ELAPOR2: variants seen among roughly 807,000 people sequenced by gnomAD.
ELAPOR2 encodes endosome-lysosome associated apoptosis and autophagy regulator family member 2, also known as endosome/lysosome-associated apoptosis and autophagy regulator family member 2.
A neutral mutation model predicts 120.7 loss-of-function variants in ELAPOR2; 89 were observed. That is an observed-to-expected ratio of 0.74 (90% confidence interval 0.62 to 0.88). The LOEUF is 0.88. Among genes scored for constraint, ELAPOR2 ranks in the 40% least tolerant of loss-of-function variants. ELAPOR2 has a pLI of 0.00. For synonymous variants in ELAPOR2, 444 were observed against 444.9 expected, an observed-to-expected ratio of 1.00 and a Z score of 0.03; for missense variants, 1,134 against 1,251.6, an observed-to-expected ratio of 0.91 and a Z score of 1.42.
At chr7:87,009,323 T>C (rs192155362) in intron 1 of ELAPOR2, among the ~76,000 whole-genome samples, 1 of 152,132 alleles carries the variant, frequency 6.6e-6, no homozygotes, top group Non-Finnish European at 1.5e-5. Context: ...GATTTCAATA[T>C]ACATAATAGA....
At chr7:86,912,814 A>G in intron 14 of ELAPOR2, 127 bp downstream of exon 14, 1 of 1,080,468 alleles carries the variant, frequency 9.3e-7, no homozygotes, top group Non-Finnish European at 1.3e-6. Flanking sequence ...CAGAAATGGT[A>G]AGTAGAAAGT....
chr7:86,885,565 A>C (rs553680749), intron 21 of ELAPOR2, among the ~76,000 whole-genome samples: 1 of 152,240 alleles, frequency 6.6e-6, no homozygotes, highest in Admixed American at 6.5e-5. Flanking sequence ...AGGGGACTAA[A>C]GTTTTCCTGT....
At chr7:86,938,728 TGGG>T (rs1790673725) in intron 7 of ELAPOR2, 77 bp downstream of exon 7, 3 of 1,464,130 alleles carry the variant, frequency 2.0e-6, no homozygotes, top group Non-Finnish European at 2.8e-6. Flanking sequence ...TCATACTTTA[TGGG>T]TGACTTCTGG....
chr7:86,918,367 G>A, intron 12 of ELAPOR2, 75 bp downstream of exon 12: 2 of 555,894 alleles, frequency 3.6e-6, no homozygotes, highest in South Asian at 2.9e-5. Flanking sequence ...ATCCCAACTT[G>A]CCACAAATAA....
At chr7:86,921,902 T>C (rs556779630) in intron 10 of ELAPOR2, among the ~76,000 whole-genome samples, 2 of 152,252 alleles carry the variant, frequency 1.3e-5, no homozygotes, top group Non-Finnish European at 2.9e-5. Flanking sequence ...TTGAGAAATA[T>C]GTGAGCCACA....
intron 1 of ELAPOR2, among the ~76,000 whole-genome samples, chr7:87,045,632 T>G (rs995751879): frequency 6.6e-5 from 10 of 151,176 alleles, no homozygotes; most frequent in African/African-American, 2.2e-4. Flanking sequence ...GAGGGAGGGA[T>G]AGCATTGGGA....
rs1792088533 is a variant in ELAPOR2, at chr7:86,970,968, T to C, written c.190-5944A>G. Among the ~76,000 whole-genome samples the C allele has an allele frequency of 1.3e-5, 2 of 151,418 alleles. 1 individual carries two copies. Among genetic ancestry groups the C allele is most frequent in the Non-Finnish European group, 3.0e-5 (2 of 67,766 alleles). Reference sequence around the variant, plus strand: ...CTCCCATATGCCACTGTGTAGACTCTGGGGATACAGCAGTGAACAAAATAT... The same window carrying C: ...CTCCCATATGCCACTGTGTAGACTCCGGGGATACAGCAGTGAACAAAATAT... On this transcript the variant is annotated intron_variant, in intron 1 of 21. Transcript: ENST00000450689.
At chr7:86,986,393 C>T (rs1792738151) in intron 1 of ELAPOR2, among the ~76,000 whole-genome samples, 1 of 111,010 alleles carries the variant, frequency 9.0e-6, no homozygotes, top group Non-Finnish European at 1.8e-5. Flanking sequence ...CCCGCCACTG[C>T]ACTCCAGCCT....
chr7:86,926,620 A>G lies in ELAPOR2; in HGVS notation c.1270+116T>C, dbSNP rs927581608. On this transcript the variant is annotated intron_variant, in intron 9 of 21. Coordinates refer to ENST00000450689, the MANE Select transcript of ELAPOR2 (RefSeq NM_001142749.3). Reference sequence around the variant, plus strand: ...CAGTTGACTGCAATTTTTGTCTACTAAAACTAAAAGAAATTCTGTAACCAC... The same window carrying G: ...CAGTTGACTGCAATTTTTGTCTACTGAAACTAAAAGAAATTCTGTAACCAC... 9 of 1,069,440 alleles carry G rather than the reference A, an allele frequency of 8.4e-6. No homozygotes were observed. The African/African-American group carries it at 1.5e-4, about 17-fold the overall frequency. The allele number at this position is 1,069,440 out of a possible 1,614,324, so 66.2% of individuals were successfully genotyped here.
rs151251353 is a variant in ELAPOR2, at chr7:86,925,656, T to G, written c.1271A>C (p.Glu424Ala). ...PPGTFSDGTK[E>A]CRPCPAGTEP... The stretch of plus-strand genomic sequence containing the variant: ...CGTTCCTGCTGGACATGGTCTACAT[T>G]CTACAGGAGACAAGTAGGGTCAACA... Residue 424 changes from glutamate (E) to alanine (A), a missense_variant and splice_region_variant, in exon 10 of 22, where the codon GAA (glutamate) becomes GCA (alanine). By Grantham distance (107) the Glu-to-Ala change is moderately radical. Coordinates refer to ENST00000450689, the MANE Select transcript of ELAPOR2 (RefSeq NM_001142749.3). The G allele has an allele frequency of 1.2e-4, 198 of 1,611,356 alleles. No individual in the cohort carries two copies. The African/African-American group carries it at 2.3e-3, about 19-fold the overall frequency.
intron 8 of ELAPOR2, among the ~76,000 whole-genome samples, chr7:86,933,465 A>G (rs1790420463): frequency 6.6e-6 from 1 of 151,970 alleles, no homozygotes; most frequent in Non-Finnish European, 1.5e-5. Context: ...TAGAACCAAG[A>G]TAGATGACCA....
chr7:86,961,027 C>T (rs952542994), intron 2 of ELAPOR2, among the ~76,000 whole-genome samples: 27 of 151,922 alleles, frequency 1.8e-4, no homozygotes, highest in African/African-American at 6.5e-4. Flanking sequence ...TGTTTGAAGC[C>T]ACATTAATTC....
intron 19 of ELAPOR2, among the ~76,000 whole-genome samples, chr7:86,895,083 T>C (rs1584316106): frequency 6.6e-6 from 1 of 152,210 alleles, no homozygotes; most frequent in African/African-American, 2.4e-5. Context: ...AAAGATGGTG[T>C]CGGAAATAGG....
intron 1 of ELAPOR2, among the ~76,000 whole-genome samples, chr7:87,034,070 CA>C (rs1311904802): frequency 4.6e-5 from 7 of 151,784 alleles, no homozygotes; most frequent in Non-Finnish European, 8.8e-5. Context: ...TTTTAAATGC[CA>C]AAAAACATTA....
chr7:87,014,985 T>C (rs932099572), intron 1 of ELAPOR2, among the ~76,000 whole-genome samples: 6 of 151,774 alleles, frequency 4.0e-5, no homozygotes, highest in African/African-American at 1.5e-4. Context: ...ATTGATTTCA[T>C]ACCAGTAAAG....
chr7:86,898,742 G>A lies in ELAPOR2; in HGVS notation c.2559-1110C>T, dbSNP rs563986309. ...AATTACATGTGGGTCATTATTGCTG[G>A]AGTTTCAAGAGCAACGCAATGAGTG... On this transcript the variant is annotated intron_variant, in intron 18 of 21. Transcript: ENST00000450689. Among the ~76,000 whole-genome samples, 6 of 152,190 alleles carry A rather than the reference G, an allele frequency of 3.9e-5. No individual in the cohort carries two copies. In the South Asian group the frequency reaches 6.2e-4, roughly 16 times the overall value.
chr7:86,937,044 C>A (rs1476369927), intron 8 of ELAPOR2, among the ~76,000 whole-genome samples: 2 of 151,992 alleles, frequency 1.3e-5, no homozygotes, highest in Non-Finnish European at 2.9e-5. Flanking sequence ...CTTAATGGTA[C>A]CTCTCTGCAT....
chr7:86,938,281 A>G, intron 7 of ELAPOR2, 67 bp from the exon 8 acceptor site: 1 of 1,236,634 alleles, frequency 8.1e-7, no homozygotes, highest in Non-Finnish European at 1.2e-6. Flanking sequence ...AAGGCAAAAA[A>G]GCAAAACAGA....
intron 8 of ELAPOR2, among the ~76,000 whole-genome samples, chr7:86,933,112 T>C (rs1009262278): frequency 1.3e-5 from 2 of 151,644 alleles, no homozygotes; most frequent in African/African-American, 4.8e-5. Flanking sequence ...ATGGCAAATA[T>C]GTATATAAAT....
Sources: gnomAD v4.1 joint callset for allele counts (sites outside exome capture counted in the v4.1 genomes callset) on GRCh38, gnomAD v4.1.1 for gene constraint, MANE v1.5 for transcripts, NCBI Gene and HGNC (gene_info 2026-07-23, HGNC 2026-07-21) for gene names.